Variants in MKI67 observed in about 807,000 individuals in gnomAD.
MKI67 encodes the protein marker of proliferation Ki-67, also known as proliferation marker protein Ki-67.
MKI67 carries 152 observed loss-of-function variants against 233.5 expected under a neutral mutation model. That is an observed-to-expected ratio of 0.65 (90% CI 0.57 to 0.74). The LOEUF (loss-of-function observed/expected upper bound fraction) is 0.74. Among genes scored for constraint, MKI67 ranks in the 30% least tolerant of loss-of-function variants. The probability of loss-of-function intolerance (pLI) is 0.00; values close to 1 mark genes in which losing one functional copy is unlikely to be tolerated. For synonymous variants in MKI67, 1,465 were observed against 1,418.5 expected (o/e 1.03, Z -0.74); for missense variants, 3,940 against 3,885.2 (o/e 1.01, Z -0.37).
Position 128,101,656 on chromosome 10 carries a change from G to C in MKI67, c.9307C>G (p.Gln3103Glu), listed in dbSNP as rs1441740720. 1.2e-6 allele frequency: 2 copies of C among 1,611,328 alleles called. No individual in the cohort carries two copies. Among genetic ancestry groups the C allele is most frequent in the Admixed American group, 3.4e-5 (2 of 59,356 alleles). ...SRRQNKTEAE[Q>E]QITEVFVLAE... ...AATACAAAGACCTCAGTTATTTGCTGTTCTGCCTCAGTCTTATTTTGGCGT... is the reference window on the plus strand; with the variant it reads ...AATACAAAGACCTCAGTTATTTGCTCTTCTGCCTCAGTCTTATTTTGGCGT... The change falls in exon 14 of 15, where the codon CAG becomes GAG. Residue 3103 changes from glutamine to glutamate, a missense_variant. Transcript: ENST00000368654.
chr10:128,116,682 G>A (rs915621537), intron 5 of MKI67, 146 bp from the exon 6 acceptor site: 69 of 685,130 alleles, frequency 1.0e-4, no homozygotes, highest in Non-Finnish European at 6.9e-5. Context: ...CAAGGTGGGC[G>A]GATCACTTGA....
intron 12 of MKI67, 37 bp downstream of exon 12, chr10:128,110,341 C>A (rs1205451931): frequency 1.3e-6 from 2 of 1,487,342 alleles, no homozygotes; most frequent in Admixed American, 1.9e-5. Context: ...TGTTCCTATC[C>A]CAAAACATCA....
Position 128,102,772 on chromosome 10 carries a change from TCCA to T in MKI67, c.9065_9067del (p.Val3022del), listed in dbSNP as rs1852365612. 1 of 1,614,216 alleles carries T rather than the reference TCCA, an allele frequency of 6.2e-7. No individual in the cohort carries two copies. On this transcript the variant is annotated inframe_deletion, in exon 13 of 15. Transcript: ENST00000368654. Reference sequence around the variant, plus strand: ...CTGCTTCTTGCTGGCTGGCAGCTCCTCCACAATTTCCTCTGGTGCTGGCATGCA... The same window carrying T: ...CTGCTTCTTGCTGGCTGGCAGCTCCTCAATTTCCTCTGGTGCTGGCATGCA...
rs1474868867 is a variant in MKI67 at position 128,098,977 on chromosome 10, C to T, written c.*213G>A. 7 of 413,670 alleles carry T rather than the reference C, an allele frequency of 1.7e-5. No individual in the cohort carries two copies. The highest frequency in any genetic ancestry group is 1.0e-4 in the African/African-American group (5 of 48,432). The allele number at this position is 413,670 out of a possible 1,614,324, so 25.6% of individuals were successfully genotyped here. A position where few individuals can be genotyped will look rare whatever the true frequency, so the allele number is the denominator to read the frequency against. ...CCTTGGCCCAGACTCCTTCACAAAG[C>T]CCCCGGTGTTCAACTATTCTCAGTC... On this transcript the variant is annotated 3_prime_UTR_variant, in exon 15 of 15. Transcript: ENST00000368654.
rs773124730 is a variant in MKI67, at chr10:128,108,287, T to C, written c.3553A>G (p.Lys1185Glu). The change falls in exon 13 of 15, where the codon AAA becomes GAA. Residue 1185 changes from lysine to glutamate, a missense_variant. Transcript: ENST00000368654. ...LTPKPAGGDEKDIKAFMGTPV... is the reference protein window; with the variant it reads ...LTPKPAGGDEEDIKAFMGTPV... ...GTTCCCATAAATGCTTTAATGTCTT[T>C]CTCATCACCTCCTGCTGGTTTGGGC... 1.4e-5 allele frequency: 22 copies of C among 1,613,890 alleles called. No homozygotes were observed. The highest frequency in any genetic ancestry group is 1.6e-5 in the Non-Finnish European group (19 of 1,180,006).
chr10:128,112,318 C>G lies in MKI67; in HGVS notation c.1784G>C (p.Arg595Pro). 3.1e-6 allele frequency: 5 copies of G among 1,614,188 alleles called. No individual in the cohort carries two copies. The highest frequency in any genetic ancestry group is 4.2e-6 in the Non-Finnish European group (5 of 1,180,040). The change falls in exon 9 of 15, where the codon CGC becomes CCC. Residue 595 changes from arginine to proline, a missense_variant. Coordinates refer to ENST00000368654, the MANE Select transcript of MKI67 (RefSeq NM_002417.5). ...PRKTPVASDQRRRSCKTAPAS... is the reference protein window; with the variant it reads ...PRKTPVASDQPRRSCKTAPAS... ...AGGGGCTGTTTTGCAGGACCTACGG[C>G]GTTGATCACTGGCAACTGGAGTTTT...
intron 5 of MKI67, among the ~76,000 whole-genome samples, chr10:128,117,164 G>C (rs1852823853): frequency 6.6e-6 from 1 of 152,198 alleles, no homozygotes; most frequent in African/African-American, 2.4e-5. Flanking sequence ...TATTGCGGAA[G>C]AACCAAAGTC....
rs367863810 is a variant in MKI67 at position 128,115,887 on chromosome 10, C to A, written c.521G>T (p.Ser174Ile). ...AACATTAGTTGTTCCCTGAGCAACA[C>A]TGTCTTTTGAGTCATCTGCGGTACT... ...EDSTADDSKD[S>I]VAQGTTNVHS... The change falls in exon 7 of 15, where the codon AGT (serine) becomes ATT (isoleucine). Residue 174 changes from serine to isoleucine, a missense_variant. Transcript: ENST00000368654. 2.5e-6 allele frequency: 4 copies of A among 1,609,572 alleles called. No homozygotes were observed. Among genetic ancestry groups the A allele is most frequent in the Non-Finnish European group, 3.4e-6 (4 of 1,180,036 alleles).
chr10:128,118,991 C>T lies in MKI67; in HGVS notation c.354+262G>A, dbSNP rs76497864. On this transcript the variant is annotated intron_variant, in intron 5 of 14. Transcript: ENST00000368654. ...CCTAATCATGGGTTTGCAAAAAGCT[C>T]GCAACATGCTCTAATAGACTTTTTG... Among the ~76,000 whole-genome samples, 1,671 of 152,296 alleles carry T rather than the reference C, an allele frequency of 0.011. 97 individuals carry two copies. The East Asian group carries it at 0.16, about 15-fold the overall frequency.
intron 13 of MKI67, 62 bp downstream of exon 13, chr10:128,102,517 T>C: frequency 6.4e-7 from 1 of 1,564,804 alleles, no homozygotes; most frequent in East Asian, 2.2e-5. Flanking sequence ...ATGCAAAGTA[T>C]AACACAGAAA....
intron 4 of MKI67, among the ~76,000 whole-genome samples, chr10:128,119,748 T>C (rs1422702203): frequency 2.0e-5 from 3 of 152,262 alleles, no homozygotes; most frequent in African/African-American, 7.2e-5. Context: ...TGAAGTTACA[T>C]ACTTCAGGGT....
At position 128,103,489 on chromosome 10, in the gene MKI67, C is replaced by T. The variant is rs1852394190; in HGVS notation, c.8351G>A (p.Arg2784Lys). The T allele has an allele frequency of 6.2e-7, 1 of 1,613,942 alleles. No homozygotes were observed. The highest frequency in any genetic ancestry group is 1.1e-5 in the South Asian group (1 of 91,070). ...TTCCCTGGGTGCTCTTGGCCGTCTC[C>T]TGCTGCCAGTTACACTTGCTGCTGG... The part of the protein sequence containing the change: ...PAPAASVTGS[R>K]RRPRAPRESA... Residue 2784 changes from arginine to lysine, a missense_variant, in exon 13 of 15, where the codon AGG becomes AAG. Coordinates refer to ENST00000368654, the MANE Select transcript of MKI67 (RefSeq NM_002417.5).
At chr10:128,116,629 G>A (rs1439157001) in intron 5 of MKI67, 93 bp from the exon 6 acceptor site, 8 of 1,246,784 alleles carry the variant, frequency 6.4e-6, no homozygotes, top group Non-Finnish European at 9.3e-6. Flanking sequence ...TTTTCTGGCT[G>A]GGCATGATGG....
Position 128,098,985 on chromosome 10 carries a change from G to C in MKI67, c.*205C>G, listed in dbSNP as rs1011975411. On this transcript the variant is annotated 3_prime_UTR_variant, in exon 15 of 15. Coordinates refer to ENST00000368654, the MANE Select transcript of MKI67 (RefSeq NM_002417.5). ...CAGACTCCTTCACAAAGCCCCCGGT[G>C]TTCAACTATTCTCAGTCCAGGAGCC... The C allele has an allele frequency of 2.3e-6, 1 of 437,492 alleles. No individual in the cohort carries two copies. The highest frequency in any genetic ancestry group is 2.0e-5 in the African/African-American group (1 of 48,936). 27.1% of individuals were successfully genotyped at this position (437,492 alleles called of 1,614,324 possible). A position where few individuals can be genotyped will look rare whatever the true frequency, so the allele number is the denominator to read the frequency against.
chr10:128,124,010 T>C (rs1853006889), intron 2 of MKI67, among the ~76,000 whole-genome samples: 1 of 152,242 alleles, frequency 6.6e-6, no homozygotes, highest in South Asian at 2.1e-4. Flanking sequence ...GTTCTCCATC[T>C]GAACCTTTGG....
chr10:128,115,645 CT>C lies in MKI67; in HGVS notation c.762del (p.Glu255LysfsTer91). 6.2e-7 allele frequency: 1 copy of C among 1,613,622 alleles called. No homozygotes were observed. Among genetic ancestry groups the C allele is most frequent in the South Asian group, 1.1e-5 (1 of 90,988 alleles). ...TTTCTACAATACTGTAGGACATTTT[CT>C]TTTTGTGATTTTACATCCAACTCTT... ...VKKELDVKSQ[K>X]ENVLQYCRKS... On this transcript the variant is annotated frameshift_variant, in exon 7 of 15. Coordinates refer to ENST00000368654, the MANE Select transcript of MKI67 (RefSeq NM_002417.5). LOFTEE classifies it high-confidence loss of function.
Position 128,101,718 on chromosome 10 carries a change from A to G in MKI67, c.9262-17T>C. On this transcript the variant is annotated splice_polypyrimidine_tract_variant and intron_variant, in intron 13 of 14. Transcript: ENST00000368654. ...GGATATTCCCTAAAGAAATGAGAAG[A>G]CATCCACAAAATTCCAATAATTAGT... The G allele has an allele frequency of 6.4e-7, 1 of 1,551,374 alleles. No homozygotes were observed. The highest frequency in any genetic ancestry group is 8.7e-7 in the Non-Finnish European group (1 of 1,152,236).
At position 128,099,041 on chromosome 10, in the gene MKI67, C is replaced by T. The variant is rs763194145; in HGVS notation, c.*149G>A. The T allele has an allele frequency of 3.5e-6, 2 of 572,136 alleles. No homozygotes were observed. The highest frequency in any genetic ancestry group is 2.4e-5 in the South Asian group (1 of 42,428). The allele number at this position is 572,136 out of a possible 1,614,324, so 35.4% of individuals were successfully genotyped here. On this transcript the variant is annotated 3_prime_UTR_variant, in exon 15 of 15. Transcript: ENST00000368654. ...GTGCTCCCAGTGGAGTTTATGAAGC[C>T]GATTCAGACCCAGCAAATCCAAAGT... is the stretch of plus-strand genomic sequence containing the variant.
chr10:128,099,753 A>G (rs1852294683), intron 14 of MKI67, among the ~76,000 whole-genome samples: 1 of 152,186 alleles, frequency 6.6e-6, no homozygotes. Context: ...CATGGCTACA[A>G]GCTTCTTACT....
Sources: allele counts gnomAD v4.1 joint callset (sites outside exome capture counted in the v4.1 genomes callset), GRCh38; gene constraint gnomAD v4.1.1; transcripts MANE v1.5; gene names NCBI Gene and HGNC (gene_info 2026-07-23, HGNC 2026-07-21).